The following PARP8 variants were observed in gnomAD, a reference collection of about 807,000 sequenced individuals.
PARP8 encodes the protein protein mono-ADP-ribosyltransferase PARP8.
A neutral mutation model predicts 124.1 loss-of-function variants in PARP8; 51 were observed. That is an observed-to-expected ratio of 0.41 (90% CI 0.33 to 0.52). PARP8 has a LOEUF of 0.52. PARP8 is among the 20% of genes least tolerant of loss of function. The pLI is 0.21. For synonymous variants in PARP8, 391 were observed against 361.5 expected, an observed-to-expected ratio of 1.08 and a Z score of -0.93; for missense variants, 860 against 1,018.9, an observed-to-expected ratio of 0.84 and a Z score of 2.12.
chr5:50,805,396 G>A (rs1272838904), intron 14 of PARP8, among the ~76,000 whole-genome samples: 1 of 151,912 alleles, frequency 6.6e-6, no homozygotes, highest in Non-Finnish European at 1.5e-5. Context: ...TTGTGGTTTA[G>A]GTACTTTTGC....
chr5:50,775,435 A>G (rs141412215), intron 7 of PARP8, among the ~76,000 whole-genome samples: 186 of 152,184 alleles, frequency 1.2e-3, no homozygotes, highest in Non-Finnish European at 2.1e-3. Flanking sequence ...CGTGCCTGTG[A>G]TCCCAGGCAC....
intron 22 of PARP8, 108 bp from the exon 23 acceptor site, chr5:50,832,673 T>A: frequency 9.4e-7 from 1 of 1,063,918 alleles, no homozygotes; most frequent in East Asian, 2.5e-5. Flanking sequence ...TCTAGCCTAA[T>A]GTGATCAAAC....
rs571841399 is a variant in PARP8 at position 50,845,859 on chromosome 5, T to C, written c.*3791T>C. The C allele has an allele frequency of 6.6e-6, 1 of 151,968 alleles. No homozygotes were observed. Among genetic ancestry groups the C allele is most frequent in the African/African-American group, 2.4e-5 (1 of 41,536 alleles). The allele number at this position is 151,968 out of a possible 1,614,324, so 9.4% of individuals were successfully genotyped here. Reference sequence around the variant, plus strand: ...GAATGGCAGACTGGATATTCAAGCATTTTGGCATTTAATGCCTGCTAAATT... The same window carrying C: ...GAATGGCAGACTGGATATTCAAGCACTTTGGCATTTAATGCCTGCTAAATT... On this transcript the variant is annotated 3_prime_UTR_variant, in exon 26 of 26. Transcript: ENST00000281631.
At chr5:50,816,885 T>G (rs1436685501) in intron 15 of PARP8, among the ~76,000 whole-genome samples, 1 of 152,114 alleles carries the variant, frequency 6.6e-6, no homozygotes, top group Non-Finnish European at 1.5e-5. Context: ...GGAAATAATA[T>G]TGCTAAAAGG....
intron 15 of PARP8, among the ~76,000 whole-genome samples, chr5:50,818,177 C>CT (rs1745318899): frequency 9.2e-6 from 1 of 108,714 alleles, no homozygotes; most frequent in Admixed American, 9.0e-5. Context: ...TATCATTTAG[C>CT]CCCCCCCCCC....
intron 2 of PARP8, among the ~76,000 whole-genome samples, chr5:50,689,052 G>A (rs1362338644): frequency 1.3e-5 from 1 of 79,388 alleles, no homozygotes; most frequent in South Asian, 4.3e-4. Flanking sequence ...TTTTTTTTTG[G>A]TGAGTTATTT....
intron 21 of PARP8, among the ~76,000 whole-genome samples, chr5:50,828,659 C>T (rs1746606618): frequency 6.6e-6 from 1 of 151,932 alleles, no homozygotes; most frequent in Non-Finnish European, 1.5e-5. Context: ...GCGGGCAGAT[C>T]GCTTGAGGCC....
intron 2 of PARP8, among the ~76,000 whole-genome samples, chr5:50,730,144 G>A (rs1199793019): frequency 2.0e-5 from 3 of 152,014 alleles, no homozygotes; most frequent in Non-Finnish European, 4.4e-5. Context: ...ATTTAATTGA[G>A]CTCTCAGTTC....
intron 7 of PARP8, among the ~76,000 whole-genome samples, chr5:50,766,803 T>C (rs1292441605): frequency 6.6e-5 from 10 of 152,136 alleles, no homozygotes; most frequent in African/African-American, 2.4e-4. Context: ...TTGGGGTGGC[T>C]TAAGGAACGT....
chr5:50,823,748 T>C (rs1397775986), intron 17 of PARP8, among the ~76,000 whole-genome samples: 3 of 152,218 alleles, frequency 2.0e-5, no homozygotes, highest in Non-Finnish European at 4.4e-5. Flanking sequence ...CAAAAATTGC[T>C]TTCTTTATTC....
chr5:50,733,678 T>C (rs1757205503), intron 2 of PARP8, among the ~76,000 whole-genome samples: 1 of 152,244 alleles, frequency 6.6e-6, no homozygotes, highest in South Asian at 2.1e-4. Flanking sequence ...ATTGTTGTAT[T>C]AAATTGTATA....
At chr5:50,725,640 G>A (rs1335946460) in intron 2 of PARP8, among the ~76,000 whole-genome samples, 3 of 152,160 alleles carry the variant, frequency 2.0e-5, no homozygotes, top group African/African-American at 7.2e-5. Flanking sequence ...GCTAACAGAA[G>A]TTAAAAGATA....
At chr5:50,705,573 CT>C (rs1754049330) in intron 2 of PARP8, among the ~76,000 whole-genome samples, 1 of 152,070 alleles carries the variant, frequency 6.6e-6, no homozygotes, top group Non-Finnish European at 1.5e-5. Context: ...TCACTTGAGA[CT>C]AGGAGTTTGA....
At chr5:50,774,696 T>C (rs1427147673) in intron 7 of PARP8, among the ~76,000 whole-genome samples, 412 of 50,524 alleles carry the variant, frequency 8.2e-3, no homozygotes, top group Middle Eastern at 0.018. Context: ...AGGCGCTCCT[T>C]ACTTCCCAGA....
intron 7 of PARP8, among the ~76,000 whole-genome samples, chr5:50,764,725 G>A (rs1459400390): frequency 1.3e-5 from 2 of 151,820 alleles, no homozygotes; most frequent in Non-Finnish European, 2.9e-5. Context: ...TAGGTAATAT[G>A]CATATTTATA....
chr5:50,842,012 G>A lies in PARP8; in HGVS notation c.2509G>A (p.Gly837Arg). 6.2e-7 allele frequency: 1 copy of A among 1,606,190 alleles called. No homozygotes were observed. The highest frequency in any genetic ancestry group is 8.5e-7 in the Non-Finnish European group (1 of 1,175,716). Residue 837 changes from glycine to arginine, a missense_variant, in exon 26 of 26, where the codon GGA becomes AGA. By Grantham distance (125) the Gly-to-Arg change is moderately radical. Coordinates refer to ENST00000281631, the MANE Select transcript of PARP8 (RefSeq NM_024615.4). The part of the protein sequence containing the change: ...VGDANINTQE[G>R]GIHKEILRVI... Reference sequence around the variant, plus strand: ...AGATGCAAATATTAATACACAAGAAGGAGGCATTCACAAAGAGATCCTCCG... The same window carrying A: ...AGATGCAAATATTAATACACAAGAAAGAGGCATTCACAAAGAGATCCTCCG...
intron 21 of PARP8, 49 bp downstream of exon 21, chr5:50,828,433 A>G: frequency 4.7e-6 from 7 of 1,500,434 alleles, no homozygotes; most frequent in Non-Finnish European, 6.5e-6. Context: ...TTCAGAATTG[A>G]GATTCAGTAA....
intron 2 of PARP8, among the ~76,000 whole-genome samples, chr5:50,680,582 T>G (rs1200433809): frequency 6.6e-6 from 1 of 152,162 alleles, no homozygotes; most frequent in Non-Finnish European, 1.5e-5. Flanking sequence ...AAGAGTTGAT[T>G]CTCCCCAACT....
chr5:50,727,857 G>A (rs1325390589), intron 2 of PARP8, among the ~76,000 whole-genome samples: 1 of 152,054 alleles, frequency 6.6e-6, no homozygotes, highest in African/African-American at 2.4e-5. Flanking sequence ...GGTGTGGTCC[G>A]CCTTCAGAGT....
Sources: gnomAD v4.1 joint callset for allele counts (sites outside exome capture counted in the v4.1 genomes callset) on GRCh38, gnomAD v4.1.1 for gene constraint, MANE v1.5 for transcripts, NCBI Gene and HGNC (gene_info 2026-07-23, HGNC 2026-07-21) for gene names.